RNF34: variants seen among roughly 807,000 people sequenced by gnomAD.
RNF34 encodes the protein E3 ubiquitin-protein ligase RNF34.
Under a neutral mutation model 37.9 loss-of-function variants are expected in RNF34, and 12 were observed. That is an observed-to-expected ratio of 0.32 (90% CI 0.20 to 0.51). RNF34 has a LOEUF of 0.51. Ranked by LOEUF, RNF34 falls within the 20% of genes least tolerant of loss-of-function variation. RNF34 has a pLI of 0.97. For missense variants in RNF34, 362 were observed against 472.7 expected, an observed-to-expected ratio of 0.77 and a Z score of 2.17; for synonymous variants, 155 against 177.2, an observed-to-expected ratio of 0.87 and a Z score of 1.00.
chr12:121,421,160 T>C (rs1234023761), intron 5 of RNF34, among the ~76,000 whole-genome samples: 2 of 152,000 alleles, frequency 1.3e-5, no homozygotes, highest in Non-Finnish European at 2.9e-5. Flanking sequence ...GGGGGAAAAT[T>C]CCCTATAGCC....
chr12:121,412,092 C>T (rs565110096), intron 1 of RNF34, among the ~76,000 whole-genome samples: 67 of 152,022 alleles, frequency 4.4e-4, no homozygotes, highest in Non-Finnish European at 5.0e-4. Context: ...GATGGAGTCT[C>T]GCTCTGTCAC....
chr12:121,416,312 G>A lies in RNF34; in HGVS notation c.160G>A (p.Ala54Thr), dbSNP rs370393586. 164 of 1,614,152 alleles carry A rather than the reference G, an allele frequency of 1.0e-4. No individual in the cohort carries two copies. The highest frequency in any genetic ancestry group is 1.3e-4 in the Admixed American group (8 of 60,018). The change falls in exon 2 of 6, where the codon GCT becomes ACT. Residue 54 changes from alanine (A) to threonine (T), a missense_variant. Coordinates refer to ENST00000361234, the MANE Select transcript of RNF34 (RefSeq NM_025126.4). ...TGAGTTTTCCACCTACCCACCAGCAGCTACGGAAGGGCCCAACATAGTTTG... is the reference window on the plus strand; with the variant it reads ...TGAGTTTTCCACCTACCCACCAGCAACTACGGAAGGGCCCAACATAGTTTG... ...NPEFSTYPPA[A>T]TEGPNIVCKA...
At chr12:121,406,284 G>GTTGTTGTTGTTGTTA (rs1245830701) in intron 1 of RNF34, among the ~76,000 whole-genome samples, 3 of 34,008 alleles carry the variant, frequency 8.8e-5, no homozygotes, top group Non-Finnish European at 1.7e-4. Flanking sequence ...GAATGTGTAA[G>GTTGTTGTTGTTGTTA]TTGTTGTTGT....
intron 1 of RNF34, among the ~76,000 whole-genome samples, chr12:121,406,262 TTTC>T (rs1200162559): frequency 7.1e-6 from 1 of 141,332 alleles, no homozygotes; most frequent in Non-Finnish European, 1.5e-5. Flanking sequence ...TAGAATTTGA[TTTC>T]TTATTATGGA....
rs536489502 is a variant in RNF34, at chr12:121,420,211, T to A, written c.634-31T>A. 3.7e-6 allele frequency: 6 copies of A among 1,602,614 alleles called. No homozygotes were observed. The Admixed American group carries it at 8.3e-5, about 22-fold the overall frequency. On this transcript the variant is annotated intron_variant, in intron 3 of 5. Coordinates refer to ENST00000361234, the MANE Select transcript of RNF34 (RefSeq NM_025126.4). Reference sequence around the variant, plus strand: ...CTAGTGATAAATACAGATTGATTCCTGACCTAATCAGATACGTTGTATAAG... The same window carrying A: ...CTAGTGATAAATACAGATTGATTCCAGACCTAATCAGATACGTTGTATAAG...
intron 1 of RNF34, among the ~76,000 whole-genome samples, chr12:121,412,898 G>A (rs530307748): frequency 6.6e-6 from 1 of 151,554 alleles, no homozygotes; most frequent in South Asian, 2.1e-4. Context: ...TGTATTTTTA[G>A]TAGAGACGGG....
rs563519344 is a variant in RNF34 at position 121,415,508 on chromosome 12, C to T, written c.7-651C>T. ...GCGTGTGCCTGTAATCCTAGTTACTCGGGAGGCTGAGGCAGGAGAATCGCT... is the reference window on the plus strand; with the variant it reads ...GCGTGTGCCTGTAATCCTAGTTACTTGGGAGGCTGAGGCAGGAGAATCGCT... On this transcript the variant is annotated intron_variant, in intron 1 of 5. Transcript: ENST00000361234. Among the ~76,000 whole-genome samples the T allele has an allele frequency of 6.6e-5, 10 of 150,858 alleles. 1 individual carries two copies. The highest frequency in any genetic ancestry group is 1.3e-4 in the Admixed American group (2 of 15,174).
At position 121,407,242 on chromosome 12, in the gene RNF34, A is replaced by T. The variant is rs1018382260; in HGVS notation, c.6+7024A>T. ...TCATGGCTTGCATTTTGAAAGTTCCAGACTTTTCAGAGATCTGGCTTTGGG... is the reference window on the plus strand; with the variant it reads ...TCATGGCTTGCATTTTGAAAGTTCCTGACTTTTCAGAGATCTGGCTTTGGG... On this transcript the variant is annotated intron_variant, in intron 1 of 5. Transcript: ENST00000361234. Among the ~76,000 whole-genome samples the T allele has an allele frequency of 4.6e-5, 7 of 152,342 alleles. No individual in the cohort carries two copies. In the East Asian group the frequency reaches 1.3e-3, roughly 29 times the overall value.
intron 1 of RNF34, among the ~76,000 whole-genome samples, chr12:121,401,375 G>T (rs797040723): frequency 2.9e-4 from 17 of 58,554 alleles, no homozygotes; most frequent in Non-Finnish European, 6.6e-4. Flanking sequence ...AAAAAAAAAA[G>T]GCAGGGACAA....
intron 1 of RNF34, chr12:121,409,814 C>G (rs60270456): frequency 6.6e-6 from 1 of 152,042 alleles, no homozygotes; most frequent in African/African-American, 2.4e-5. Flanking sequence ...TGAAGGGCAG[C>G]GGGGGTGGGT....
Position 121,417,844 on chromosome 12 carries a change from C to T in RNF34, c.566C>T (p.Thr189Ile). The T allele has an allele frequency of 1.2e-6, 2 of 1,614,142 alleles. No homozygotes were observed. The highest frequency in any genetic ancestry group is 8.5e-7 in the Non-Finnish European group (1 of 1,180,030). The change falls in exon 3 of 6, where the codon ACT becomes ATT. Residue 189 changes from threonine to isoleucine, a missense_variant. Transcript: ENST00000361234. This position sits in a 1 kb window ranked among gnomAD's most constrained non-coding sequence, Gnocchi z 5.0. Reference protein sequence around the residue: ...FFSNYTAPSATMSSFQGELMD... With the variant: ...FFSNYTAPSAIMSSFQGELMD... ...TCAAACTATACAGCCCCCTCTGCTACTATGTCTTCGTTTCAGGGAGAGCTT... is the reference window on the plus strand; with the variant it reads ...TCAAACTATACAGCCCCCTCTGCTATTATGTCTTCGTTTCAGGGAGAGCTT...
chr12:121,407,141 C>T (rs1870621348), intron 1 of RNF34, among the ~76,000 whole-genome samples: 1 of 152,044 alleles, frequency 6.6e-6, no homozygotes, highest in Non-Finnish European at 1.5e-5. Context: ...TCTTACATAC[C>T]ACTTGGATGC....
chr12:121,412,096 CTG>C (rs781941905), intron 1 of RNF34, among the ~76,000 whole-genome samples: 9 of 151,996 alleles, frequency 5.9e-5, no homozygotes, highest in Admixed American at 2.0e-4. Flanking sequence ...GAGTCTCGCT[CTG>C]TCACCCAGGC....
chr12:121,420,812 T>G (rs1555283247), intron 5 of RNF34, 34 bp downstream of exon 5: 1 of 1,540,002 alleles, frequency 6.5e-7, no homozygotes, highest in Non-Finnish European at 9.0e-7. Context: ...CCCTGTAGTA[T>G]TTTTCCTTAG....
intron 1 of RNF34, among the ~76,000 whole-genome samples, chr12:121,402,302 G>GA (rs1190356156): frequency 6.6e-6 from 1 of 150,486 alleles, no homozygotes; most frequent in East Asian, 1.9e-4. Context: ...AGAAAAAAAG[G>GA]AAAAAAAAAG....
chr12:121,407,461 A>G (rs1192892707), intron 1 of RNF34, among the ~76,000 whole-genome samples: 1 of 152,228 alleles, frequency 6.6e-6, no homozygotes, highest in Non-Finnish European at 1.5e-5. Flanking sequence ...ACAACAACTC[A>G]GTGAATTGAC....
At chr12:121,409,047 T>C (rs1013569020) in intron 1 of RNF34, among the ~76,000 whole-genome samples, 3 of 152,026 alleles carry the variant, frequency 2.0e-5, no homozygotes, top group African/African-American at 2.4e-5. Context: ...TGGCGTGATA[T>C]CTGCTCACTG....
At chr12:121,411,840 T>C (rs924702948) in intron 1 of RNF34, among the ~76,000 whole-genome samples, 16 of 152,330 alleles carry the variant, frequency 1.1e-4, no homozygotes, top group African/African-American at 3.8e-4. Flanking sequence ...GTTGGTTTAG[T>C]AGCTACATTA....
intron 2 of RNF34, chr12:121,416,736 C>T (rs1871608945): frequency 5.0e-6 from 1 of 198,642 alleles, no homozygotes; most frequent in Non-Finnish European, 1.0e-5. Flanking sequence ...GTATCCCGTA[C>T]CTTAACTTTC....
Sources: gnomAD v4.1 joint callset for allele counts (sites outside exome capture counted in the v4.1 genomes callset) on GRCh38, gnomAD v4.1.1 for gene constraint, Gnocchi (gnomAD v3.1) non-coding constraint, MANE v1.5 for transcripts, NCBI Gene and HGNC (gene_info 2026-07-23, HGNC 2026-07-21) for gene names.